Variants in SLC25A46 observed in about 807,000 individuals in gnomAD.
The protein encoded by SLC25A46 is solute carrier family 25 member 46, also known as mitochondrial outer membrane protein SLC25A46.
SLC25A46 carries 39 observed loss-of-function variants against 44.6 expected under a neutral mutation model. That is an observed-to-expected ratio of 0.87 (90% confidence interval 0.68 to 1.14). SLC25A46 has a LOEUF of 1.14. Ranked by LOEUF, SLC25A46 falls within the 50% of genes most tolerant of loss-of-function variation. The pLI is 0.00. For synonymous variants in SLC25A46, 202 were observed against 185.8 expected (o/e 1.09, Z -0.71); for missense variants, 547 against 522.7 (o/e 1.05, Z -0.45).
rs1022740979 is a variant in SLC25A46 at position 110,749,330 on chromosome 5, TA to T, written c.563+1080del. On this transcript the variant is annotated intron_variant, in intron 5 of 7. Transcript: ENST00000355943. ...ATTTGGTTGGAACCATGGATCAGAGTAAAAAAAAAAAAATAGAAAATTGAAG... is the reference window on the plus strand; with the variant it reads ...ATTTGGTTGGAACCATGGATCAGAGTAAAAAAAAAAAATAGAAAATTGAAG... 2.6e-3 allele frequency among the ~76,000 whole-genome samples: 366 copies of T among 139,634 alleles called. 1 individual carries two copies. Among genetic ancestry groups the T allele is most frequent in the East Asian group, 0.014 (69 of 4,894 alleles). 91.6% of individuals were successfully genotyped at this position (139,634 alleles called of 152,430 possible).
At chr5:110,747,145 T>C (rs79397882) in intron 4 of SLC25A46, among the ~76,000 whole-genome samples, 3,227 of 152,306 alleles carry the variant, frequency 0.021, 99 homozygotes, top group African/African-American at 0.073. Context: ...TGTGCACATA[T>C]ATATGCAAAA....
chr5:110,749,511 G>A (rs2150411893), intron 5 of SLC25A46, among the ~76,000 whole-genome samples: 1 of 148,302 alleles, frequency 6.7e-6, no homozygotes, highest in African/African-American at 2.5e-5. Context: ...TGGGAGCGGT[G>A]GGAAGGGGGG....
chr5:110,754,462 C>T (rs1373923841), intron 5 of SLC25A46: 1 of 148,696 alleles, frequency 6.7e-6, no homozygotes, highest in Non-Finnish European at 1.5e-5. Context: ...ATAGAACTTA[C>T]TCCCTTTTTT....
At chr5:110,756,790 T>C in intron 7 of SLC25A46, 31 bp downstream of exon 7, 1 of 1,466,858 alleles carries the variant, frequency 6.8e-7, no homozygotes, top group South Asian at 1.5e-5. Flanking sequence ...ATTTTTTTTT[T>C]ATTTAAGAAT....
chr5:110,742,102 C>T lies in SLC25A46; in HGVS notation c.326+13C>T, dbSNP rs368429622. Reference sequence around the variant, plus strand: ...TTGGACTTGCAAGGTAATGTTTTATCTAAAGACGTTTACAGCTTTTATTTA... The same window carrying T: ...TTGGACTTGCAAGGTAATGTTTTATTTAAAGACGTTTACAGCTTTTATTTA... On this transcript the variant is annotated intron_variant, in intron 2 of 7. Transcript: ENST00000355943. 875 of 1,540,436 alleles carry T rather than the reference C, an allele frequency of 5.7e-4. No homozygotes were observed. The highest frequency in any genetic ancestry group is 7.0e-4 in the Non-Finnish European group (795 of 1,138,344).
intron 5 of SLC25A46, 39 bp from the exon 6 acceptor site, chr5:110,755,426 A>C: frequency 7.6e-7 from 1 of 1,316,366 alleles, no homozygotes; most frequent in Non-Finnish European, 1.1e-6. Flanking sequence ...TTTAAATAAC[A>C]TGGCTTTTGT....
chr5:110,744,463 A>G (rs984596688), intron 3 of SLC25A46, among the ~76,000 whole-genome samples: 12 of 152,234 alleles, frequency 7.9e-5, no homozygotes, highest in African/African-American at 2.9e-4. Context: ...GTAATTGTGC[A>G]TAAGTTATTT....
chr5:110,749,557 C>T (rs534604508), intron 5 of SLC25A46, among the ~76,000 whole-genome samples: 5 of 151,620 alleles, frequency 3.3e-5, no homozygotes, highest in South Asian at 2.1e-4. Context: ...TTAGAGAGGG[C>T]CTCAGACAAA....
At chr5:110,758,772 ACT>A (rs1201328442) in intron 7 of SLC25A46, among the ~76,000 whole-genome samples, 3 of 151,798 alleles carry the variant, frequency 2.0e-5, no homozygotes, top group Admixed American at 6.6e-5. Flanking sequence ...ACAGAGTAAG[ACT>A]CTGTCTTAAA....
chr5:110,760,961 C>T (rs1005087628), intron 7 of SLC25A46, among the ~76,000 whole-genome samples: 25 of 152,128 alleles, frequency 1.6e-4, no homozygotes, highest in African/African-American at 5.5e-4. Context: ...GATGTATCCA[C>T]CTACACATCT....
At chr5:110,748,835 T>C (rs1451764056) in intron 5 of SLC25A46, among the ~76,000 whole-genome samples, 2 of 152,174 alleles carry the variant, frequency 1.3e-5, no homozygotes, top group African/African-American at 2.4e-5. Context: ...AAATTGAATA[T>C]CAGGAAAAGA....
chr5:110,742,009 T>G, intron 1 of SLC25A46, 38 bp from the exon 2 acceptor site: 1 of 1,375,348 alleles, frequency 7.3e-7, no homozygotes, highest in Non-Finnish European at 1.0e-6. Context: ...TGGTTATCAG[T>G]AATCTTATTT....
chr5:110,738,627 A>C, upstream of SLC25A46: 1 of 202,806 alleles, frequency 4.9e-6, no homozygotes, highest in South Asian at 6.8e-5. Flanking sequence ...AACCTCTACT[A>C]GCTTCCTCGG....
chr5:110,746,355 T>C lies in SLC25A46; in HGVS notation c.462+9T>C, dbSNP rs1799819453. ...GTTTCAACAAAACTCAGGTGAGAATTTTGTCTGGATTCTATTAAAGGTTTA... is the reference window on the plus strand; with the variant it reads ...GTTTCAACAAAACTCAGGTGAGAATCTTGTCTGGATTCTATTAAAGGTTTA... On this transcript the variant is annotated intron_variant, in intron 4 of 7. Coordinates refer to ENST00000355943, the MANE Select transcript of SLC25A46 (RefSeq NM_138773.4). The C allele has an allele frequency of 6.4e-7, 1 of 1,557,156 alleles. No individual in the cohort carries two copies. The highest frequency in any genetic ancestry group is 1.2e-5 in the South Asian group (1 of 84,660).
At chr5:110,741,158 A>G (rs1487305336) in intron 1 of SLC25A46, among the ~76,000 whole-genome samples, 1 of 152,194 alleles carries the variant, frequency 6.6e-6, no homozygotes, top group Non-Finnish European at 1.5e-5. Context: ...TAACTTGTGA[A>G]TATTGTATTA....
In SLC25A46 at chr5:110,755,499, G is replaced by A. The variant is rs767725140; in HGVS notation, c.598G>A (p.Gly200Arg). 96 of 1,572,750 alleles carry A rather than the reference G, an allele frequency of 6.1e-5. No homozygotes were observed. Among genetic ancestry groups the A allele is most frequent in the Non-Finnish European group, 2.8e-5 (33 of 1,161,554 alleles). The change falls in exon 6 of 8, where the codon GGA (glycine) becomes AGA (arginine). Residue 200 changes from glycine to arginine, a missense_variant. Physicochemically the swap from Gly to Arg is moderately radical, Grantham distance 125. Transcript: ENST00000355943. Reference protein sequence around the residue: ...VLHKWSPKQIGEHLLLKSLTY... With the variant: ...VLHKWSPKQIREHLLLKSLTY... ...ACATAAATGGAGTCCTAAACAAATA[G>A]GAGAACACCTTCTACTGAAATCGTA...
chr5:110,740,306 G>A (rs534781010), intron 1 of SLC25A46, among the ~76,000 whole-genome samples: 1 of 151,796 alleles, frequency 6.6e-6, no homozygotes. Flanking sequence ...TTATTTCCTC[G>A]ACTTTGACTT....
intron 7 of SLC25A46, among the ~76,000 whole-genome samples, chr5:110,759,678 A>G (rs532670439): frequency 2.6e-4 from 39 of 152,152 alleles, no homozygotes; most frequent in Middle Eastern, 3.2e-3. Flanking sequence ...AAATCATTGT[A>G]ATAATTGGGC....
intron 5 of SLC25A46, among the ~76,000 whole-genome samples, chr5:110,752,708 A>T (rs573517336): frequency 3.9e-5 from 6 of 152,212 alleles, no homozygotes; most frequent in African/African-American, 1.4e-4. Flanking sequence ...TAGAAAAGAA[A>T]GATTTTAAGT....
Sources: gnomAD v4.1 joint callset for allele counts (sites outside exome capture counted in the v4.1 genomes callset) on GRCh38, gnomAD v4.1.1 for gene constraint, MANE v1.5 for transcripts, NCBI Gene and HGNC (gene_info 2026-07-23, HGNC 2026-07-21) for gene names.